NPAS3: variants seen among roughly 807,000 people sequenced by gnomAD.
NPAS3 encodes the protein neuronal PAS domain-containing protein 3.
A neutral mutation model predicts 73.1 loss-of-function variants in NPAS3; 14 were observed. That is an observed-to-expected ratio of 0.19 (90% confidence interval 0.13 to 0.30). The LOEUF (loss-of-function observed/expected upper bound fraction) is 0.30, where lower values mean the gene tolerates loss of function less well. Ranked by LOEUF, NPAS3 falls within the 10% of genes least tolerant of loss-of-function variation. NPAS3 has a pLI of 1.00. For missense variants in NPAS3, 1,096 were observed against 1,250.0 expected, an observed-to-expected ratio of 0.88 and a Z score of 1.86; for synonymous variants, 620 against 541.5, an observed-to-expected ratio of 1.14 and a Z score of -2.01.
chr14:33,144,268 G>A (rs1356428876), intron 2 of NPAS3, among the ~76,000 whole-genome samples: 2 of 152,172 alleles, frequency 1.3e-5, no homozygotes, highest in African/African-American at 4.8e-5. Context: ...TGGATGTGAA[G>A]TGGGACCTCA....
intron 4 of NPAS3, among the ~76,000 whole-genome samples, chr14:33,415,266 T>C (rs896775355): frequency 1.3e-5 from 2 of 152,176 alleles, no homozygotes; most frequent in South Asian, 2.1e-4. Context: ...TTATCAAGTA[T>C]TATAACAAGA....
At chr14:33,053,945 A>G (rs2040797804) in intron 1 of NPAS3, among the ~76,000 whole-genome samples, 1 of 152,222 alleles carries the variant, frequency 6.6e-6, no homozygotes, top group African/African-American at 2.4e-5. Context: ...AGAGCAAAAT[A>G]TAAGAAATCA....
intron 9 of NPAS3, among the ~76,000 whole-genome samples, chr14:33,781,140 A>G (rs990555192): frequency 3.3e-5 from 5 of 152,336 alleles, no homozygotes; most frequent in African/African-American, 1.2e-4. Context: ...GGGAGGAAAA[A>G]GAGTGTTTTG....
In NPAS3 at chr14:33,776,521, T is replaced by TAAAAAAAAAAAA. The variant is rs552348267; in HGVS notation, c.1047-1916_1047-1905dup. Among the ~76,000 whole-genome samples the TAAAAAAAAAAAA allele has an allele frequency of 9.4e-5, 3 of 32,060 alleles. 1 individual carries two copies. Among genetic ancestry groups the TAAAAAAAAAAAA allele is most frequent in the African/African-American group, 2.1e-4 (2 of 9,418 alleles). The allele number at this position is 32,060 out of a possible 152,430, so 21.0% of individuals were successfully genotyped here. On this transcript the variant is annotated intron_variant, in intron 8 of 11. Coordinates refer to ENST00000356141, the Ensembl canonical transcript of NPAS3. The stretch of plus-strand genomic sequence containing the variant: ...CTGCTTTTGGCGTTTTTCTTCCTCT[T>TAAAAAAAAAAAA]AAAAAAAAAAAAAAAAAAAAAAAAA...
chr14:32,939,413 GCCGCCGCCGCCT>G, intron 1 of NPAS3, 47 bp downstream of exon 1: 2 of 540,000 alleles, frequency 3.7e-6, no homozygotes, highest in South Asian at 2.1e-5. Context: ...CGCTGCTCCC[GCCGCCGCCGCCT>G]CCGCCGCCGA....
chr14:33,114,544 G>T (rs139706085), intron 2 of NPAS3, among the ~76,000 whole-genome samples: 1,997 of 152,162 alleles, frequency 0.013, 155 homozygotes, highest in Admixed American at 0.12. Context: ...TTACTGAAAG[G>T]GTACTTCTTA....
At chr14:33,574,909 A>G (rs986853662) in intron 5 of NPAS3, among the ~76,000 whole-genome samples, 1 of 152,216 alleles carries the variant, frequency 6.6e-6, no homozygotes. Context: ...AGGTGAAACC[A>G]GAACAAGAGT....
At chr14:33,676,507 C>A in intron 6 of NPAS3, 122 bp downstream of exon 6, 1 of 665,566 alleles carries the variant, frequency 1.5e-6, no homozygotes, top group Non-Finnish European at 2.3e-6. Flanking sequence ...TTCCATGCAG[C>A]TTCCAGTCCC....
At chr14:33,288,589 A>G (rs34847883) in intron 3 of NPAS3, among the ~76,000 whole-genome samples, 34,598 of 151,816 alleles carry the variant, frequency 0.23, 4,762 homozygotes, top group Middle Eastern at 0.34. Context: ...GTCATACTGT[A>G]CTATTCATTT....
chr14:33,638,398 TGAACCC>T (rs773395964), intron 5 of NPAS3, among the ~76,000 whole-genome samples: 303 of 152,342 alleles, frequency 2.0e-3, no homozygotes, highest in Middle Eastern at 3.4e-3. Context: ...CTAGTGGGTT[TGAACCC>T]AGTTCTTCTA....
intron 7 of NPAS3, among the ~76,000 whole-genome samples, chr14:33,737,252 G>T (rs750988857): frequency 6.6e-6 from 1 of 152,068 alleles, no homozygotes; most frequent in Admixed American, 6.6e-5. Context: ...CTGAGGAGGC[G>T]GGATGTCACC....
chr14:33,556,198 G>A (rs1280591146), intron 4 of NPAS3, among the ~76,000 whole-genome samples: 2 of 152,128 alleles, frequency 1.3e-5, no homozygotes, highest in Non-Finnish European at 2.9e-5. Context: ...ATTTTAGTAA[G>A]TACATGAAAT....
chr14:33,093,526 G>A (rs1409394289), intron 2 of NPAS3, among the ~76,000 whole-genome samples: 3 of 152,194 alleles, frequency 2.0e-5, no homozygotes, highest in African/African-American at 7.2e-5. Flanking sequence ...TGGTGGGAAT[G>A]TAAACTAGTT....
chr14:33,066,371 CCT>C (rs1269774341), intron 2 of NPAS3, among the ~76,000 whole-genome samples: 1 of 152,064 alleles, frequency 6.6e-6, no homozygotes, highest in East Asian at 1.9e-4. Context: ...GATTGTTTAC[CCT>C]CTGTTCTGAA....
chr14:33,474,569 G>T (rs1367062656), intron 4 of NPAS3, among the ~76,000 whole-genome samples: 2 of 152,040 alleles, frequency 1.3e-5, no homozygotes, highest in Non-Finnish European at 2.9e-5. Context: ...CATAAAAATA[G>T]ATTGCTTTTT....
intron 5 of NPAS3, among the ~76,000 whole-genome samples, chr14:33,576,476 A>G (rs1220132547): frequency 6.6e-6 from 1 of 152,218 alleles, no homozygotes; most frequent in African/African-American, 2.4e-5. Context: ...ATCGACCAGT[A>G]TAAACAGACT....
intron 9 of NPAS3, among the ~76,000 whole-genome samples, chr14:33,783,265 C>T (rs965010520): frequency 6.6e-6 from 1 of 152,126 alleles, no homozygotes; most frequent in African/African-American, 2.4e-5. Flanking sequence ...GATGGGTGGG[C>T]CAAATGCAGA....
intron 4 of NPAS3, among the ~76,000 whole-genome samples, chr14:33,516,207 C>T (rs1459060614): frequency 6.6e-6 from 1 of 152,096 alleles, no homozygotes; most frequent in Non-Finnish European, 1.5e-5. Flanking sequence ...CTTTTATCTC[C>T]AGAGCCTCTG....
At chr14:33,030,581 A>G (rs1270917690) in intron 1 of NPAS3, among the ~76,000 whole-genome samples, 1 of 152,178 alleles carries the variant, frequency 6.6e-6, no homozygotes, top group East Asian at 1.9e-4. Context: ...TTTAATGGAT[A>G]TGAGCTATTC....
Sources: gnomAD v4.1 joint callset for allele counts (sites outside exome capture counted in the v4.1 genomes callset) on GRCh38, gnomAD v4.1.1 for gene constraint, MANE v1.5 for transcripts, NCBI Gene and HGNC (gene_info 2026-07-23, HGNC 2026-07-21) for gene names.